CCDC38: variants seen among roughly 807,000 people sequenced by gnomAD.
CCDC38 encodes coiled-coil domain-containing protein 38.
CCDC38 carries 69 observed loss-of-function variants against 72.8 expected under a neutral mutation model. The observed-to-expected ratio is 0.95, with a 90% CI of 0.78 to 1.16. The LOEUF (loss-of-function observed/expected upper bound fraction) is 1.16. Ranked by LOEUF, CCDC38 falls within the 50% of genes most tolerant of loss-of-function variation. The probability of loss-of-function intolerance (pLI) is 0.00; values close to 1 mark genes in which losing one functional copy is unlikely to be tolerated. For synonymous variants in CCDC38, 201 were observed against 213.2 expected (o/e 0.94, Z 0.50); for missense variants, 626 against 638.9 (o/e 0.98, Z 0.22).
intron 5 of CCDC38, 88 bp downstream of exon 5, chr12:95,906,299 T>C: frequency 1.0e-6 from 1 of 963,708 alleles, no homozygotes; most frequent in Admixed American, 2.1e-5. Context: ...GGACATGTAA[T>C]AGACAAGCAA....
intron 8 of CCDC38, 46 bp downstream of exon 8, chr12:95,894,943 G>C (rs2079869368): frequency 6.9e-7 from 1 of 1,439,584 alleles, no homozygotes; most frequent in East Asian, 2.4e-5. Flanking sequence ...GATGATTTTA[G>C]AGTTAGGGAT....
At chr12:95,876,149 A>G (rs1018979404) in intron 13 of CCDC38, among the ~76,000 whole-genome samples, 3 of 152,236 alleles carry the variant, frequency 2.0e-5, no homozygotes, top group Admixed American at 6.5e-5. Context: ...AAGCTGCAAC[A>G]TGGATGAACT....
intron 4 of CCDC38, among the ~76,000 whole-genome samples, chr12:95,910,548 A>T (rs556919911): frequency 1.3e-4 from 20 of 152,318 alleles, no homozygotes; most frequent in Non-Finnish European, 1.9e-4. Flanking sequence ...GTCACTTTTC[A>T]CAGAATTAGA....
chr12:95,937,772 A>C (rs1205646561), intron 1 of CCDC38, among the ~76,000 whole-genome samples: 1 of 152,254 alleles, frequency 6.6e-6, no homozygotes, highest in Non-Finnish European at 1.5e-5. Flanking sequence ...TGTGTGAGCA[A>C]GTTCATGTAT....
At chr12:95,907,217 C>G (rs577794090) in intron 4 of CCDC38, among the ~76,000 whole-genome samples, 86 of 140,550 alleles carry the variant, frequency 6.1e-4, no homozygotes, top group Middle Eastern at 7.2e-3. Context: ...TCTCCCATGT[C>G]TACCTCTTTC....
chr12:95,892,666 T>C (rs1022898008), intron 8 of CCDC38, among the ~76,000 whole-genome samples: 1 of 149,844 alleles, frequency 6.7e-6, no homozygotes, highest in Non-Finnish European at 1.5e-5. Flanking sequence ...GCCTCCCAGG[T>C]TCAAGCGATT....
At chr12:95,913,511 C>T (rs370417471) in intron 4 of CCDC38, among the ~76,000 whole-genome samples, 13 of 152,228 alleles carry the variant, frequency 8.5e-5, no homozygotes, top group African/African-American at 3.1e-4. Flanking sequence ...ATTCTTTCAG[C>T]AGAAGACCCA....
Position 95,879,643 on chromosome 12 carries a change from C to T in CCDC38, c.1142+1G>A, listed in dbSNP as rs191253798. 9.4e-5 allele frequency: 147 copies of T among 1,572,160 alleles called. No homozygotes were observed. In the East Asian group the frequency reaches 2.1e-3, roughly 22 times the overall value. ...AAATCTACTTGTTTATAATGACTTA[C>T]GTTTTATCCTGTATAACTTTTTCTC... On this transcript the variant is annotated splice_donor_variant, in intron 12 of 15. Coordinates refer to ENST00000344280, the MANE Select transcript of CCDC38 (RefSeq NM_182496.3). LOFTEE classifies it high-confidence loss of function. This position sits in a 1 kb window ranked among gnomAD's most constrained non-coding sequence, Gnocchi z 5.5.
chr12:95,904,028 T>G (rs1044038132), intron 5 of CCDC38, among the ~76,000 whole-genome samples: 10 of 111,808 alleles, frequency 8.9e-5, no homozygotes, highest in African/African-American at 3.8e-4. Context: ...TTGTGAGAAG[T>G]TTTTTACCTG....
intron 8 of CCDC38, among the ~76,000 whole-genome samples, chr12:95,893,523 T>C (rs1414922444): frequency 6.8e-6 from 1 of 147,540 alleles, no homozygotes. Flanking sequence ...CTCACTCCCA[T>C]CACCCAGGCT....
At chr12:95,917,401 TA>T (rs1410648134) in intron 3 of CCDC38, 107 bp from the exon 4 acceptor site, 8 of 896,482 alleles carry the variant, frequency 8.9e-6, no homozygotes, top group Non-Finnish European at 1.3e-5. Flanking sequence ...ATCTTAACAT[TA>T]AAAAAACAAC....
At position 95,881,603 on chromosome 12, in the gene CCDC38, C is replaced by G. The variant is rs753793546; in HGVS notation, c.921-49G>C. ...AAATGTCTGATTTGTGAGCCATTTT[C>G]TGTCAACAGGTTTGCATTCCTCTCT... On this transcript the variant is annotated intron_variant, in intron 10 of 15. Coordinates refer to ENST00000344280, the MANE Select transcript of CCDC38 (RefSeq NM_182496.3). 23 of 1,486,082 alleles carry G rather than the reference C, an allele frequency of 1.5e-5. No homozygotes were observed. The South Asian group carries it at 2.7e-4, about 17-fold the overall frequency. The allele number at this position is 1,486,082 out of a possible 1,614,324, so 92.1% of individuals were successfully genotyped here.
chr12:95,926,864 C>G (rs1412888575), intron 2 of CCDC38, among the ~76,000 whole-genome samples: 1 of 151,604 alleles, frequency 6.6e-6, no homozygotes, highest in African/African-American at 2.4e-5. Flanking sequence ...GAGTGAGATT[C>G]TTAATCCTGA....
chr12:95,929,489 T>A (rs973949113), intron 2 of CCDC38, among the ~76,000 whole-genome samples: 2 of 152,106 alleles, frequency 1.3e-5, no homozygotes, highest in African/African-American at 4.8e-5. Context: ...AATGCAGAAA[T>A]CACCTGTCTT....
chr12:95,906,542 A>AGCT, intron 4 of CCDC38, 91 bp from the exon 5 acceptor site: 1 of 852,480 alleles, frequency 1.2e-6, no homozygotes, highest in Non-Finnish European at 1.9e-6. Context: ...ATTATTCTAC[A>AGCT]GTATGTATCT....
chr12:95,926,648 G>A (rs887520308), intron 2 of CCDC38, among the ~76,000 whole-genome samples: 1 of 151,290 alleles, frequency 6.6e-6, no homozygotes, highest in Non-Finnish European at 1.5e-5. Flanking sequence ...TGTCAATTTT[G>A]GATCTTTCCT....
At chr12:95,922,202 A>G (rs973962810) in intron 2 of CCDC38, among the ~76,000 whole-genome samples, 5 of 152,218 alleles carry the variant, frequency 3.3e-5, no homozygotes, top group African/African-American at 1.2e-4. Flanking sequence ...TCTTGGGTTC[A>G]ACACAGAGTA....
At chr12:95,927,751 C>T (rs1311286574) in intron 2 of CCDC38, among the ~76,000 whole-genome samples, 2 of 151,972 alleles carry the variant, frequency 1.3e-5, no homozygotes, top group African/African-American at 4.8e-5. Flanking sequence ...CAAAATCGCT[C>T]AGCATTTGCT....
Position 95,872,450 on chromosome 12 carries a change from A to G in CCDC38, c.1289T>C (p.Ile430Thr), listed in dbSNP as rs774549282. The G allele has an allele frequency of 3.8e-5, 61 of 1,611,746 alleles. No individual in the cohort carries two copies. The highest frequency in any genetic ancestry group is 4.8e-5 in the Non-Finnish European group (56 of 1,177,934). Residue 430 changes from isoleucine to threonine, a missense_variant, in exon 14 of 16, where the codon ATA (isoleucine) becomes ACA (threonine). Transcript: ENST00000344280. ...EFNSDAQEIL[I>T]DSLSKKITQV... The stretch of plus-strand genomic sequence containing the variant: ...AGTAATCTTTTTACTAAGTGAGTCT[A>G]TCAGTATTTCCTGAGATTGAGAAGA...
Sources: gnomAD v4.1 joint callset for allele counts (sites outside exome capture counted in the v4.1 genomes callset) on GRCh38, gnomAD v4.1.1 for gene constraint, Gnocchi (gnomAD v3.1) non-coding constraint, MANE v1.5 for transcripts, NCBI Gene and HGNC (gene_info 2026-07-23, HGNC 2026-07-21) for gene names.